Variants in FNBP1L observed in about 807,000 individuals in gnomAD.
FNBP1L encodes the protein formin-binding protein 1-like.
Under a neutral mutation model 91.2 loss-of-function variants are expected in FNBP1L, and 36 were observed. The ratio of observed to expected loss-of-function variants is 0.39; its 90% confidence interval spans 0.30 to 0.52. FNBP1L has a LOEUF of 0.52. Ranked by LOEUF, FNBP1L falls within the 20% of genes least tolerant of loss-of-function variation. The pLI, the probability that FNBP1L is intolerant of heterozygous loss-of-function variation, is 0.66. For synonymous variants in FNBP1L, 242 were observed against 237.0 expected, an observed-to-expected ratio of 1.02 and a Z score of -0.19; for missense variants, 571 against 732.1, an observed-to-expected ratio of 0.78 and a Z score of 2.54.
In FNBP1L at chr1:93,552,490, G is replaced by A; in HGVS notation, c.*74G>A. The A allele has an allele frequency of 6.4e-7, 1 of 1,565,258 alleles. No homozygotes were observed. The highest frequency in any genetic ancestry group is 1.2e-5 in the South Asian group (1 of 85,096). On this transcript the variant is annotated 3_prime_UTR_variant, in exon 17 of 17. Coordinates refer to ENST00000271234, the MANE Select transcript of FNBP1L (RefSeq NM_001164473.3). ...GCTGCTTTTGGGGGAGGGTATTAGA[G>A]TTGTCAGGCTCAAAGAGAGTGAGAG...
intron 2 of FNBP1L, among the ~76,000 whole-genome samples, chr1:93,518,752 C>T (rs1190853020): frequency 6.6e-6 from 1 of 152,210 alleles, no homozygotes; most frequent in Non-Finnish European, 1.5e-5. Context: ...CTAAAGTCTA[C>T]ACTTGAGTGT....
At position 93,552,675 on chromosome 1, in the gene FNBP1L, A is replaced by C. The variant is rs559422181; in HGVS notation, c.*259A>C. 5.2e-6 allele frequency: 2 copies of C among 382,904 alleles called. No individual in the cohort carries two copies. Among genetic ancestry groups the C allele is most frequent in the African/African-American group, 4.2e-5 (2 of 48,162 alleles). 23.7% of individuals were successfully genotyped at this position (382,904 alleles called of 1,614,324 possible). On this transcript the variant is annotated 3_prime_UTR_variant, in exon 17 of 17. Coordinates refer to ENST00000271234, the MANE Select transcript of FNBP1L (RefSeq NM_001164473.3). ...GCCAACAATAGTGTACCATTTTTCT[A>C]TTTATTTTATTGCTGTCTAATCAAT...
At chr1:93,518,004 G>A (rs1388965644) in intron 2 of FNBP1L, among the ~76,000 whole-genome samples, 2 of 152,080 alleles carry the variant, frequency 1.3e-5, no homozygotes, top group Non-Finnish European at 1.5e-5. Context: ...ATTAAGATTG[G>A]CAAGTAATAC....
intron 1 of FNBP1L, among the ~76,000 whole-genome samples, chr1:93,470,744 A>G (rs1017847534): frequency 6.6e-6 from 1 of 152,026 alleles, no homozygotes; most frequent in Non-Finnish European, 1.5e-5. Context: ...GTCATGGTGC[A>G]TGCCTGTAAT....
At chr1:93,494,180 C>T (rs1353361295) in intron 1 of FNBP1L, among the ~76,000 whole-genome samples, 1 of 152,156 alleles carries the variant, frequency 6.6e-6, no homozygotes, top group Admixed American at 6.5e-5. Context: ...TTACAGAACT[C>T]AGGGAAACAC....
At chr1:93,503,109 C>T (rs560742613) in intron 2 of FNBP1L, among the ~76,000 whole-genome samples, 21 of 152,036 alleles carry the variant, frequency 1.4e-4, no homozygotes, top group African/African-American at 4.6e-4. Context: ...TCCATTCTCA[C>T]GCTGCTAATA....
At chr1:93,528,467 A>G (rs1305524075) in intron 5 of FNBP1L, among the ~76,000 whole-genome samples, 1 of 152,198 alleles carries the variant, frequency 6.6e-6, no homozygotes, top group African/African-American at 2.4e-5. Flanking sequence ...TATCCAGCCA[A>G]ATTTTGTCAA....
intron 1 of FNBP1L, among the ~76,000 whole-genome samples, chr1:93,466,034 C>T (rs1312229345): frequency 6.6e-6 from 1 of 152,096 alleles, no homozygotes; most frequent in African/African-American, 2.4e-5. Flanking sequence ...ATCCTTTGCC[C>T]ACTTTTTGAT....
At chr1:93,460,373 A>G (rs1402904208) in intron 1 of FNBP1L, among the ~76,000 whole-genome samples, 1 of 151,906 alleles carries the variant, frequency 6.6e-6, no homozygotes, top group African/African-American at 2.4e-5. Flanking sequence ...GGACTTCCCA[A>G]CCTCCAGAAC....
At chr1:93,509,381 C>A (rs1670740033) in intron 2 of FNBP1L, among the ~76,000 whole-genome samples, 1 of 152,188 alleles carries the variant, frequency 6.6e-6, no homozygotes, top group African/African-American at 2.4e-5. Flanking sequence ...CCTGTACTTA[C>A]ACAGAGCTCA....
At chr1:93,458,892 C>T (rs1444220954) in intron 1 of FNBP1L, among the ~76,000 whole-genome samples, 1 of 152,130 alleles carries the variant, frequency 6.6e-6, no homozygotes, top group Non-Finnish European at 1.5e-5. Context: ...AACTTTATGG[C>T]AAGTATAGAA....
intron 1 of FNBP1L, among the ~76,000 whole-genome samples, chr1:93,477,718 A>G (rs1455485305): frequency 3.9e-5 from 6 of 152,230 alleles, no homozygotes; most frequent in Non-Finnish European, 7.3e-5. Context: ...CCTGAACAGT[A>G]AAGGCAGATA....
intron 10 of FNBP1L, among the ~76,000 whole-genome samples, chr1:93,536,715 C>A (rs1418219615): frequency 1.3e-5 from 2 of 152,026 alleles, no homozygotes; most frequent in African/African-American, 2.4e-5. Flanking sequence ...TGGGTACAAT[C>A]ATATTTTAGC....
At chr1:93,542,326 A>G (rs1672073486) in intron 11 of FNBP1L, among the ~76,000 whole-genome samples, 1 of 151,664 alleles carries the variant, frequency 6.6e-6, no homozygotes, top group South Asian at 2.1e-4. Flanking sequence ...AATATGACAA[A>G]TTTATGTTGC....
chr1:93,494,973 G>A (rs1351288353), intron 1 of FNBP1L, among the ~76,000 whole-genome samples: 1 of 152,060 alleles, frequency 6.6e-6, no homozygotes, highest in African/African-American at 2.4e-5. Context: ...CTGCCCCCAT[G>A]ATTCAGTTAC....
chr1:93,541,822 GTTAAGT>G (rs991637069), intron 11 of FNBP1L, among the ~76,000 whole-genome samples: 12 of 152,100 alleles, frequency 7.9e-5, no homozygotes, highest in African/African-American at 2.7e-4. Flanking sequence ...AGGAAATAAA[GTTAAGT>G]TTAATTCTCA....
intron 16 of FNBP1L, chr1:93,552,009 T>C (rs1450464297): frequency 2.0e-6 from 2 of 1,000,696 alleles, no homozygotes; most frequent in Admixed American, 6.0e-5. Flanking sequence ...TGACAAATTT[T>C]AATTTTTAAA....
rs1181451778 is a variant in FNBP1L, at chr1:93,552,546, A to G, written c.*130A>G. 1.2e-6 allele frequency: 1 copy of G among 829,272 alleles called. No individual in the cohort carries two copies. The highest frequency in any genetic ancestry group is 3.0e-5 in the Admixed American group (1 of 33,446). 51.4% of individuals were successfully genotyped at this position (829,272 alleles called of 1,614,324 possible). ...AGTTGCATGAGTGCATGCAGACATG[A>G]TTTTTTTTTTACTAACTTCATTAGC... On this transcript the variant is annotated 3_prime_UTR_variant, in exon 17 of 17. Coordinates refer to ENST00000271234, the MANE Select transcript of FNBP1L (RefSeq NM_001164473.3).
chr1:93,499,430 T>C (rs1033941705), intron 1 of FNBP1L, 38 bp from the exon 2 acceptor site: 7 of 1,308,710 alleles, frequency 5.3e-6, no homozygotes, highest in Non-Finnish European at 7.5e-6. Flanking sequence ...GATAAAATTT[T>C]AGACTTTTGA....
Sources: allele counts gnomAD v4.1 joint callset (sites outside exome capture counted in the v4.1 genomes callset), GRCh38; gene constraint gnomAD v4.1.1; transcripts MANE v1.5; gene names NCBI Gene and HGNC (gene_info 2026-07-23, HGNC 2026-07-21).